The following MYO9A variants were observed in gnomAD, a reference collection of about 807,000 sequenced individuals.
MYO9A encodes the protein unconventional myosin-IXa.
In MYO9A, 103 loss-of-function variants were observed where a neutral mutation model predicts 293.3. That is an observed-to-expected ratio of 0.35 (90% CI 0.30 to 0.41). The LOEUF (loss-of-function observed/expected upper bound fraction) is 0.41, where lower values mean the gene tolerates loss of function less well. MYO9A is among the 10% of genes least tolerant of loss of function. The pLI is 1.00. For synonymous variants in MYO9A, 1,001 were observed against 1,035.7 expected, an observed-to-expected ratio of 0.97 and a Z score of 0.64; for missense variants, 2,685 against 3,033.0, an observed-to-expected ratio of 0.89 and a Z score of 2.69.
At chr15:72,097,339 A>T (rs2080096336) in intron 1 of MYO9A, among the ~76,000 whole-genome samples, 1 of 152,226 alleles carries the variant, frequency 6.6e-6, no homozygotes, top group Admixed American at 6.5e-5. Context: ...CCACCAGCAA[A>T]AAGATTACAA....
At chr15:71,841,005 AGT>A (rs770703564) in intron 39 of MYO9A, among the ~76,000 whole-genome samples, 1 of 152,152 alleles carries the variant, frequency 6.6e-6, no homozygotes, top group African/African-American at 2.4e-5. Context: ...TGATGTTTAA[AGT>A]GTGTGTGTGT....
intron 25 of MYO9A, among the ~76,000 whole-genome samples, chr15:71,896,343 A>G (rs1017548069): frequency 1.3e-5 from 2 of 152,240 alleles, no homozygotes; most frequent in African/African-American, 4.8e-5. Flanking sequence ...TTTCATTTCA[A>G]TGATGACATT....
chr15:71,909,833 T>TG (rs1170315446), intron 19 of MYO9A, among the ~76,000 whole-genome samples: 1 of 152,062 alleles, frequency 6.6e-6, no homozygotes, highest in East Asian at 1.9e-4. Flanking sequence ...CAAATGCTAT[T>TG]GTAGTATAAT....
intron 32 of MYO9A, among the ~76,000 whole-genome samples, chr15:71,868,150 C>T (rs550266599): frequency 6.6e-6 from 1 of 152,218 alleles, no homozygotes. Context: ...GTGGAACAAT[C>T]TGCTTCCAAT....
intron 33 of MYO9A, among the ~76,000 whole-genome samples, chr15:71,860,969 C>CAAAAAAAAAAAAAAAAAAAAAA (rs61030744): frequency 1.1e-3 from 35 of 32,420 alleles, no homozygotes; most frequent in East Asian, 2.0e-3. Flanking sequence ...TCCATCTCAC[C>CAAAAAAAAAAAAAAAAAAAAAA]AAAAAAAAAA....
At chr15:72,069,766 G>C (rs2079127279) in intron 1 of MYO9A, among the ~76,000 whole-genome samples, 1 of 150,148 alleles carries the variant, frequency 6.7e-6, no homozygotes, top group African/African-American at 2.4e-5. Context: ...TTTTCTTTCA[G>C]AATACCCTTC....
chr15:71,969,024 A>G (rs2075946015), intron 12 of MYO9A, among the ~76,000 whole-genome samples: 1 of 152,224 alleles, frequency 6.6e-6, no homozygotes, highest in Non-Finnish European at 1.5e-5. Context: ...GGCCTTTAGC[A>G]TCAGATAATC....
intron 32 of MYO9A, among the ~76,000 whole-genome samples, chr15:71,871,635 G>A (rs368107984): frequency 2.7e-5 from 4 of 149,294 alleles, no homozygotes; most frequent in African/African-American, 9.9e-5. Context: ...AGTGAGCCGT[G>A]ATCATGCCAC....
chr15:72,098,786 A>G (rs1017408089), intron 1 of MYO9A, among the ~76,000 whole-genome samples: 3 of 152,118 alleles, frequency 2.0e-5, no homozygotes, highest in African/African-American at 7.2e-5. Context: ...AGCCTGGGCA[A>G]TATAATGAGA....
chr15:72,103,641 AAGAAGC>A (rs1265170126), intron 1 of MYO9A, among the ~76,000 whole-genome samples: 6 of 13,156 alleles, frequency 4.6e-4, no homozygotes, highest in South Asian at 0.021. Flanking sequence ...GAAGAAACAG[AAGAAGC>A]AGAAGTAACA....
intron 3 of MYO9A, among the ~76,000 whole-genome samples, chr15:72,028,067 G>T: frequency 6.7e-6 from 1 of 150,056 alleles, no homozygotes; most frequent in African/African-American, 2.5e-5. Flanking sequence ...CATGGTGGCA[G>T]GCACCTGTAA....
At chr15:71,943,588 TAAG>T (rs1467338932) in intron 15 of MYO9A, among the ~76,000 whole-genome samples, 3 of 152,078 alleles carry the variant, frequency 2.0e-5, no homozygotes, top group Non-Finnish European at 2.9e-5. Context: ...TACAGTTAAA[TAAG>T]TTTTGCTAAA....
chr15:72,076,394 A>G (rs1012834488), intron 1 of MYO9A, among the ~76,000 whole-genome samples: 1 of 152,174 alleles, frequency 6.6e-6, no homozygotes, highest in African/African-American at 2.4e-5. Context: ...TAAAACTAAT[A>G]ATTGAATTTG....
rs149757691 is a variant in MYO9A, at chr15:71,973,612, A to T, written c.1844+4559T>A. ...TTACTCTGGAAAGGGGGATTGCCCA[A>T]CTTTCCCTAGAAATGCCAAGCAGAA... On this transcript the variant is annotated intron_variant, in intron 12 of 41. Transcript: ENST00000356056. Among the ~76,000 whole-genome samples the T allele has an allele frequency of 1.8e-4, 27 of 152,226 alleles. No individual in the cohort carries two copies. The East Asian group carries it at 5.0e-3, about 28-fold the overall frequency.
rs180884252 is a variant in MYO9A, at chr15:72,075,753, C to T, written c.-71-29119G>A. On this transcript the variant is annotated intron_variant, in intron 1 of 41. Coordinates refer to ENST00000356056, the MANE Select transcript of MYO9A (RefSeq NM_006901.4). ...CAGCCTGGGCAACATAGCAAGACCC[C>T]ATCTCTACAAAAAAAATTTATAATA... is the stretch of plus-strand genomic sequence containing the variant. 2.5e-3 allele frequency among the ~76,000 whole-genome samples: 383 copies of T among 151,706 alleles called. 8 individuals are homozygous for T. The South Asian group carries it at 0.027, about 11-fold the overall frequency.
At chr15:71,856,287 G>A (rs182350149) in intron 34 of MYO9A, among the ~76,000 whole-genome samples, 1 of 151,944 alleles carries the variant, frequency 6.6e-6, no homozygotes, top group East Asian at 1.9e-4. Flanking sequence ...CTCCAGCTTG[G>A]GCAACAAGGG....
chr15:71,899,761 A>G lies in MYO9A; in HGVS notation c.3396T>C (p.Ser1132=). Residue 1132 remains serine, a synonymous_variant, in exon 24 of 42, where the codon AGT becomes AGC. Coordinates refer to ENST00000356056, the MANE Select transcript of MYO9A (RefSeq NM_006901.4). ...IQARWKAYRE[S]KRYQEQRKKI... Reference sequence around the variant, plus strand: ...TTTTCCTTTGTTCTTGGTACCTTTTACTTTCCCTGTAGGCTTTCCATCTTG... The same window carrying G: ...TTTTCCTTTGTTCTTGGTACCTTTTGCTTTCCCTGTAGGCTTTCCATCTTG... 6.2e-7 allele frequency: 1 copy of G among 1,614,110 alleles called. No individual in the cohort carries two copies.
intron 1 of MYO9A, among the ~76,000 whole-genome samples, chr15:72,101,153 T>C (rs1374376433): frequency 8.4e-3 from 941 of 112,178 alleles, no homozygotes; most frequent in African/African-American, 0.038. Context: ...CCGCCCCGTC[T>C]GGGAGGTGAG....
chr15:71,906,579 T>G (rs2057647309), intron 19 of MYO9A, among the ~76,000 whole-genome samples: 1 of 152,076 alleles, frequency 6.6e-6, no homozygotes, highest in African/African-American at 2.4e-5. Flanking sequence ...TTTTCTCTGT[T>G]CTGAAGTCTA....
Sources: allele counts gnomAD v4.1 joint callset (sites outside exome capture counted in the v4.1 genomes callset), GRCh38; gene constraint gnomAD v4.1.1; transcripts MANE v1.5; gene names NCBI Gene and HGNC (gene_info 2026-07-23, HGNC 2026-07-21).